The following ANK3 variants were observed in gnomAD, a reference collection of about 807,000 sequenced individuals.
ANK3 encodes the protein ankyrin-3.
In ANK3, 57 loss-of-function variants were observed where a neutral mutation model predicts 370.9. The ratio of observed to expected loss-of-function variants is 0.15; its 90% CI spans 0.12 to 0.19. ANK3 has a LOEUF of 0.19. ANK3 is among the 10% of genes least tolerant of loss of function. The pLI is 1.00. For missense variants in ANK3, 4,439 were observed against 5,302.1 expected (o/e 0.84, Z 5.06); for synonymous variants, 1,929 against 1,946.3 (o/e 0.99, Z 0.23).
chr10:60,364,731 T>C (rs1173720451), intron 1 of ANK3, among the ~76,000 whole-genome samples: 1 of 140,800 alleles, frequency 7.1e-6, no homozygotes, highest in Non-Finnish European at 1.6e-5. Flanking sequence ...TAAGACAATA[T>C]AGCCATAGAG....
At chr10:60,205,990 T>A in intron 10 of ANK3, 100 bp from the exon 11 acceptor site, 1 of 780,552 alleles carries the variant, frequency 1.3e-6, no homozygotes, top group East Asian at 2.7e-5. Context: ...GTGTGGTAAA[T>A]TGAAATGAAC....
At chr10:60,229,167 A>T (rs1290876571) in intron 8 of ANK3, among the ~76,000 whole-genome samples, 1 of 152,238 alleles carries the variant, frequency 6.6e-6, no homozygotes, top group African/African-American at 2.4e-5. Context: ...TAATCTAAAT[A>T]AATATTTTCA....
At chr10:60,656,443 A>T (rs1189746389) in intron 1 of ANK3, among the ~76,000 whole-genome samples, 4 of 150,470 alleles carry the variant, frequency 2.7e-5, no homozygotes, top group South Asian at 2.1e-4. Context: ...ACTATCTTTT[A>T]AAAAAAAATC....
chr10:60,423,577 G>A (rs1248462562), intron 2 of ANK3, among the ~76,000 whole-genome samples: 1 of 151,908 alleles, frequency 6.6e-6, no homozygotes, highest in Non-Finnish European at 1.5e-5. Context: ...GTGGACAACT[G>A]CCTTGACTAT....
intron 2 of ANK3, among the ~76,000 whole-genome samples, chr10:60,499,968 A>C (rs1282634584): frequency 6.6e-6 from 1 of 152,180 alleles, no homozygotes; most frequent in Non-Finnish European, 1.5e-5. Context: ...TTAAATATTT[A>C]CCTTTCACAT....
At chr10:60,446,424 C>A (rs1280905637) in intron 2 of ANK3, among the ~76,000 whole-genome samples, 1 of 152,108 alleles carries the variant, frequency 6.6e-6, no homozygotes, top group South Asian at 2.1e-4. Flanking sequence ...GCTAGTGAGC[C>A]CCCCCTTCCT....
chr10:60,629,862 T>C (rs372482813), intron 1 of ANK3, among the ~76,000 whole-genome samples: 1 of 152,222 alleles, frequency 6.6e-6, no homozygotes, highest in Non-Finnish European at 1.5e-5. Flanking sequence ...AAAATGGATA[T>C]ACCTTTCCCC....
chr10:60,120,370 ATACAT>A (rs935534896), intron 25 of ANK3, among the ~76,000 whole-genome samples: 1 of 152,146 alleles, frequency 6.6e-6, no homozygotes, highest in African/African-American at 2.4e-5. Context: ...CTAAAAAAAA[ATACAT>A]TAGGGAAACT....
chr10:60,030,204 CCGAA>C (rs2073103303), intron 43 of ANK3, among the ~76,000 whole-genome samples: 1 of 151,790 alleles, frequency 6.6e-6, no homozygotes, highest in Non-Finnish European at 1.5e-5. Context: ...GTGCAGTGGC[CCGAA>C]ATTGGCTCAC....
chr10:60,415,099 T>C (rs536380793), intron 2 of ANK3, among the ~76,000 whole-genome samples: 14 of 152,074 alleles, frequency 9.2e-5, no homozygotes, highest in African/African-American at 3.4e-4. Flanking sequence ...AAAAACCAGA[T>C]TGTATTGTCA....
intron 4 of ANK3, among the ~76,000 whole-genome samples, chr10:60,278,307 G>A (rs1031690): frequency 0.02 from 2,969 of 152,178 alleles, 38 homozygotes; most frequent in South Asian, 0.035. Context: ...TAGATAGGCC[G>A]CTTTAAAAAT....
At chr10:60,461,530 A>C (rs2064883911) in intron 2 of ANK3, among the ~76,000 whole-genome samples, 1 of 152,148 alleles carries the variant, frequency 6.6e-6, no homozygotes, top group Non-Finnish European at 1.5e-5. Flanking sequence ...CCAATAATGC[A>C]TTTGTTTAAA....
chr10:60,343,420 G>A (rs1282592237), intron 1 of ANK3, among the ~76,000 whole-genome samples: 4 of 152,048 alleles, frequency 2.6e-5, no homozygotes, highest in Non-Finnish European at 4.4e-5. Context: ...AGTTATAAAC[G>A]TAATCTCTGG....
At chr10:60,431,002 G>C (rs2064008893) in intron 2 of ANK3, among the ~76,000 whole-genome samples, 1 of 152,190 alleles carries the variant, frequency 6.6e-6, no homozygotes, top group South Asian at 2.1e-4. Context: ...ACCAGGAACT[G>C]GTTTTGTGGA....
At chr10:60,487,125 A>T (rs746395141) in intron 2 of ANK3, among the ~76,000 whole-genome samples, 10 of 152,230 alleles carry the variant, frequency 6.6e-5, no homozygotes, top group Non-Finnish European at 1.2e-4. Context: ...GAGAGGGGAA[A>T]ATAACTAAAC....
At chr10:60,431,298 C>A (rs150175429) in intron 2 of ANK3, among the ~76,000 whole-genome samples, 1 of 152,232 alleles carries the variant, frequency 6.6e-6, no homozygotes, top group Non-Finnish European at 1.5e-5. Context: ...AGGGTTTGTG[C>A]AGTTCACAGC....
intron 2 of ANK3, among the ~76,000 whole-genome samples, chr10:60,601,573 A>G (rs539566582): frequency 6.6e-6 from 1 of 152,236 alleles, no homozygotes; most frequent in South Asian, 2.1e-4. Flanking sequence ...GTCATCAAAA[A>G]CAAGAAAAAA....
intron 23 of ANK3, chr10:60,146,166 T>C (rs2094813674): frequency 8.6e-6 from 10 of 1,166,012 alleles, no homozygotes; most frequent in Non-Finnish European, 8.2e-6. Context: ...AAGATGTGTT[T>C]GTGTACCAGT....
At chr10:60,194,916 C>T (rs542880417) in intron 16 of ANK3, among the ~76,000 whole-genome samples, 2 of 151,974 alleles carry the variant, frequency 1.3e-5, no homozygotes, top group Non-Finnish European at 2.9e-5. Flanking sequence ...AAATATCTGT[C>T]GAAGATAACA....
Sources: allele counts gnomAD v4.1 joint callset (sites outside exome capture counted in the v4.1 genomes callset), GRCh38; gene constraint gnomAD v4.1.1; transcripts MANE v1.5; gene names NCBI Gene and HGNC (gene_info 2026-07-23, HGNC 2026-07-21).